Variants in CDH13 observed in about 807,000 individuals in gnomAD.
CDH13 encodes the protein cadherin 13.
In CDH13, 24 loss-of-function variants were observed where a neutral mutation model predicts 63.8. That is an observed-to-expected ratio of 0.38 (90% CI 0.27 to 0.53). The LOEUF (loss-of-function observed/expected upper bound fraction) is 0.53, where lower values mean the gene tolerates loss of function less well. Ranked by LOEUF, CDH13 falls within the 20% of genes least tolerant of loss-of-function variation. CDH13 has a pLI of 0.85. For missense variants in CDH13, 1,049 were observed against 903.1 expected (o/e 1.16, Z -2.07); for synonymous variants, 503 against 355.3 (o/e 1.42, Z -4.67).
chr16:83,265,875 G>A (rs1907559314), intron 5 of CDH13, among the ~76,000 whole-genome samples: 1 of 151,802 alleles, frequency 6.6e-6, no homozygotes. Flanking sequence ...AAACTGATGA[G>A]CCTCAAAATG....
chr16:82,638,439 A>G (rs1313231150), intron 1 of CDH13, among the ~76,000 whole-genome samples: 1 of 152,204 alleles, frequency 6.6e-6, no homozygotes, highest in Non-Finnish European at 1.5e-5. Context: ...GAAAAGGAAT[A>G]TCTATGCTTG....
At chr16:83,203,165 G>A (rs892367686) in intron 4 of CDH13, among the ~76,000 whole-genome samples, 16 of 151,530 alleles carry the variant, frequency 1.1e-4, no homozygotes, top group African/African-American at 2.4e-4. Context: ...TGGAGGTTGT[G>A]GTGAGCTGAG....
rs140814166 is a variant in CDH13 at position 83,627,443 on chromosome 16, A to T, written c.1101+24849A>T. ...ATAGTGCCAACTCCAGGCATTAGCT[A>T]CAAAAGACCTTAATTGCAAAACTTT... On this transcript the variant is annotated intron_variant, in intron 8 of 13. Transcript: ENST00000567109. 1.9e-4 allele frequency among the ~76,000 whole-genome samples: 29 copies of T among 152,360 alleles called. No individual in the cohort carries two copies. The Middle Eastern group carries it at 0.01, about 54-fold the overall frequency.
chr16:82,844,514 T>C (rs1184187319), intron 1 of CDH13: 2 of 148,038 alleles, frequency 1.4e-5, no homozygotes, highest in African/African-American at 5.0e-5. Flanking sequence ...GGCAGGAGAA[T>C]GGCGTGAACC....
chr16:83,767,873 C>T (rs1411807667), intron 11 of CDH13, among the ~76,000 whole-genome samples: 2 of 151,996 alleles, frequency 1.3e-5, no homozygotes, highest in African/African-American at 2.4e-5. Context: ...TACAAATTGG[C>T]CCAAGGTTTA....
chr16:82,839,302 G>A (rs1158409292), intron 1 of CDH13, among the ~76,000 whole-genome samples: 2 of 152,152 alleles, frequency 1.3e-5, no homozygotes, highest in Admixed American at 6.5e-5. Context: ...TGGGAAAGGT[G>A]CCCCATTATT....
intron 5 of CDH13, among the ~76,000 whole-genome samples, chr16:83,274,975 T>C (rs1018919895): frequency 6.6e-4 from 100 of 152,212 alleles, no homozygotes; most frequent in African/African-American, 2.3e-3. Flanking sequence ...TAAAATTCCA[T>C]ACTTCCAGCC....
rs551501676 is a variant in CDH13 at position 83,248,937 on chromosome 16, C to T, written c.636+31440C>T. On this transcript the variant is annotated intron_variant, in intron 5 of 13. Transcript: ENST00000567109. Reference sequence around the variant, plus strand: ...TCCAAACTGAACTCAACACTTAACTCGTGCCCTGAATTTTGGCAAGGAAGT... The same window carrying T: ...TCCAAACTGAACTCAACACTTAACTTGTGCCCTGAATTTTGGCAAGGAAGT... 2.6e-5 allele frequency among the ~76,000 whole-genome samples: 4 copies of T among 152,308 alleles called. No individual in the cohort carries two copies. The South Asian group carries it at 6.2e-4, about 24-fold the overall frequency.
intron 1 of CDH13, among the ~76,000 whole-genome samples, chr16:82,723,392 T>C (rs1283675818): frequency 6.6e-6 from 1 of 152,218 alleles, no homozygotes; most frequent in Non-Finnish European, 1.5e-5. Flanking sequence ...TCCTTCTTTG[T>C]CTTGGGAACA....
At chr16:82,894,393 G>C (rs1056270558) in intron 2 of CDH13, among the ~76,000 whole-genome samples, 11 of 152,234 alleles carry the variant, frequency 7.2e-5, no homozygotes, top group Non-Finnish European at 1.3e-4. Context: ...TGTAATCCCA[G>C]CACTTTGAGA....
At chr16:83,036,654 G>A (rs550189345) in intron 3 of CDH13, among the ~76,000 whole-genome samples, 10 of 152,232 alleles carry the variant, frequency 6.6e-5, no homozygotes, top group African/African-American at 2.2e-4. Context: ...TCCTGTGGCT[G>A]CCTGTAAATT....
intron 6 of CDH13, among the ~76,000 whole-genome samples, chr16:83,428,953 C>T (rs768066585): frequency 3.3e-5 from 5 of 152,222 alleles, no homozygotes; most frequent in Non-Finnish European, 5.9e-5. Context: ...GGGGTTTGTT[C>T]GGTCATCACT....
rs193282663 is a variant in CDH13 at position 82,694,054 on chromosome 16, C to G, written c.45+66917C>G. ...CATCTGGATTAAAATAAAAATAAAA[C>G]ATATACTTAAACACTATGATCATAA... On this transcript the variant is annotated intron_variant, in intron 1 of 13. Coordinates refer to ENST00000567109, the MANE Select transcript of CDH13 (RefSeq NM_001257.5). Among the ~76,000 whole-genome samples, 243 of 152,332 alleles carry G rather than the reference C, an allele frequency of 1.6e-3. 2 individuals are homozygous for G. Among genetic ancestry groups the G allele is most frequent in the South Asian group, 6.6e-3 (32 of 4,832 alleles).
At chr16:83,250,638 T>G (rs1905413311) in intron 5 of CDH13, among the ~76,000 whole-genome samples, 1 of 151,844 alleles carries the variant, frequency 6.6e-6, no homozygotes, top group Non-Finnish European at 1.5e-5. Flanking sequence ...AAATAGAGAG[T>G]TGGTCGTGGT....
At chr16:82,877,958 C>CACAT (rs1407688696) in intron 2 of CDH13, among the ~76,000 whole-genome samples, 1 of 94,798 alleles carries the variant, frequency 1.1e-5, no homozygotes, top group Non-Finnish European at 2.1e-5. Flanking sequence ...CACACACACA[C>CACAT]ACATATACAC....
At chr16:83,230,637 A>G (rs1457287528) in intron 5 of CDH13, among the ~76,000 whole-genome samples, 1 of 152,112 alleles carries the variant, frequency 6.6e-6, no homozygotes, top group African/African-American at 2.4e-5. Flanking sequence ...AAACACAAAA[A>G]TTAGCTGGGC....
intron 5 of CDH13, among the ~76,000 whole-genome samples, chr16:83,301,048 T>TTTTTC: frequency 6.9e-6 from 1 of 144,514 alleles, no homozygotes; most frequent in Non-Finnish European, 1.5e-5. Flanking sequence ...TTTTTTTTTT[T>TTTTTC]TGAGACAGAG....
intron 1 of CDH13, among the ~76,000 whole-genome samples, chr16:82,781,025 C>A (rs1477960822): frequency 1.3e-5 from 2 of 152,210 alleles, no homozygotes; most frequent in Non-Finnish European, 2.9e-5. Context: ...TGTGAGGTTG[C>A]CTGAAAGGCA....
intron 6 of CDH13, chr16:83,383,045 A>G (rs1315025958): frequency 6.6e-6 from 1 of 152,254 alleles, no homozygotes; most frequent in Non-Finnish European, 1.5e-5. Flanking sequence ...TAATTGTCAC[A>G]TCTTTGCAGT....
Sources: allele counts gnomAD v4.1 joint callset (sites outside exome capture counted in the v4.1 genomes callset), GRCh38; gene constraint gnomAD v4.1.1; transcripts MANE v1.5; gene names NCBI Gene and HGNC (gene_info 2026-07-23, HGNC 2026-07-21).